Variants in DSG1 observed in about 807,000 individuals in gnomAD.
DSG1 encodes the protein desmoglein 1.
DSG1 carries 39 observed loss-of-function variants against 97.5 expected under a neutral mutation model. The ratio of observed to expected loss-of-function variants is 0.40; its 90% CI spans 0.31 to 0.52. The LOEUF (loss-of-function observed/expected upper bound fraction) is 0.52, where lower values mean the gene tolerates loss of function less well. DSG1 is among the 20% of genes least tolerant of loss of function. The pLI, the probability that DSG1 is intolerant of heterozygous loss-of-function variation, is 0.53. For synonymous variants in DSG1, 475 were observed against 443.4 expected (o/e 1.07, Z -0.90); for missense variants, 1,311 against 1,295.4 (o/e 1.01, Z -0.18).
rs16961682 is a variant in DSG1, at chr18:31,338,600, C to A, written c.1405+146C>A. On this transcript the variant is annotated intron_variant, in intron 10 of 14. Transcript: ENST00000257192. ...CATTATAGACTCATATCTTTAACAACTTGAGGCAGTATAATTTAGTAGCTA... is the reference window on the plus strand; with the variant it reads ...CATTATAGACTCATATCTTTAACAAATTGAGGCAGTATAATTTAGTAGCTA... 1,297 of 791,136 alleles carry A rather than the reference C, an allele frequency of 1.6e-3. 1 individual carries two copies. Among genetic ancestry groups the A allele is most frequent in the Middle Eastern group, 4.5e-3 (12 of 2,688 alleles). 49.0% of individuals were successfully genotyped at this position (791,136 alleles called of 1,614,324 possible). A position where few individuals can be genotyped will look rare whatever the true frequency, so the allele number is the denominator to read the frequency against.
intron 10 of DSG1, 105 bp from the exon 11 acceptor site, chr18:31,339,639 T>C: frequency 1.2e-6 from 1 of 863,500 alleles, no homozygotes. Context: ...ATTATGGGAA[T>C]AAAGACACTG....
intron 14 of DSG1, among the ~76,000 whole-genome samples, chr18:31,346,930 C>T (rs144114154): frequency 3.3e-5 from 5 of 152,150 alleles, no homozygotes; most frequent in Admixed American, 6.5e-5. Flanking sequence ...ATTGTAAGAA[C>T]GAGCTGTAGG....
rs538860727 is a variant in DSG1, at chr18:31,358,069, AATACT to A, written c.*2727_*2731del. On this transcript the variant is annotated 3_prime_UTR_variant, in exon 15 of 15. Transcript: ENST00000257192. Reference sequence around the variant, plus strand: ...AGATATGGAAATTATTTTATAAGTGAATACTATAATTAGGATTCAAGCTGAGTTTC... The same window carrying A: ...AGATATGGAAATTATTTTATAAGTGAATAATTAGGATTCAAGCTGAGTTTC... Among the ~76,000 whole-genome samples the A allele has an allele frequency of 8.5e-5, 13 of 152,112 alleles. No individual in the cohort carries two copies. In the South Asian group the frequency reaches 2.7e-3, roughly 31 times the overall value.
At chr18:31,326,198 CT>C (rs2144087012) in intron 1 of DSG1, among the ~76,000 whole-genome samples, 2 of 151,800 alleles carry the variant, frequency 1.3e-5, no homozygotes, top group East Asian at 1.9e-4. Flanking sequence ...ATAAAAAGAA[CT>C]TTTTTATATT....
chr18:31,353,845 C>A (rs1020018017), intron 14 of DSG1: 1 of 218,672 alleles, frequency 4.6e-6, no homozygotes, highest in East Asian at 1.2e-4. Flanking sequence ...ACAGTGGACG[C>A]ACCCACTGAC....
At chr18:31,324,227 C>A (rs1275284355) in intron 1 of DSG1, among the ~76,000 whole-genome samples, 5 of 151,686 alleles carry the variant, frequency 3.3e-5, no homozygotes, top group Non-Finnish European at 7.4e-5. Context: ...CGTGATCCAC[C>A]CGCCTCGGCC....
intron 4 of DSG1, among the ~76,000 whole-genome samples, chr18:31,328,895 G>C (rs10163619): frequency 0.37 from 56,595 of 151,916 alleles, 12,736 homozygotes; most frequent in Non-Finnish European, 0.5. Context: ...CCATTCTTAA[G>C]TGAATCTCAC....
At chr18:31,324,742 C>T (rs1406618309) in intron 1 of DSG1, among the ~76,000 whole-genome samples, 1 of 152,132 alleles carries the variant, frequency 6.6e-6, no homozygotes, top group African/African-American at 2.4e-5. Flanking sequence ...TCCAGCGTAC[C>T]TCCTTCTCAC....
chr18:31,357,664 C>T lies in DSG1; in HGVS notation c.*2318C>T, dbSNP rs2071970622. On this transcript the variant is annotated 3_prime_UTR_variant, in exon 15 of 15. Transcript: ENST00000257192. The stretch of plus-strand genomic sequence containing the variant: ...TCCCCCCAATTTAGTTACATCTGAA[C>T]TCCTAAACACTGTTAAACGATGGGA... 6.6e-6 allele frequency among the ~76,000 whole-genome samples: 1 copy of T among 151,902 alleles called. No individual in the cohort carries two copies.
chr18:31,355,039 A>G lies in DSG1; in HGVS notation c.2843A>G (p.Asn948Ser), dbSNP rs777314656. The stretch of plus-strand genomic sequence containing the variant: ...CACCCCGAGTTAGCCAATGCCCACA[A>G]TGTCATTGTGACAGAGAGGGTTGTT... ...SMHPELANAHNVIVTERVVSG... is the reference protein window; with the variant it reads ...SMHPELANAHSVIVTERVVSG... Residue 948 changes from asparagine to serine, a missense_variant, in exon 15 of 15, where the codon AAT (asparagine) becomes AGT (serine). Coordinates refer to ENST00000257192, the MANE Select transcript of DSG1 (RefSeq NM_001942.4). 11 of 1,614,168 alleles carry G rather than the reference A, an allele frequency of 6.8e-6. No homozygotes were observed. The highest frequency in any genetic ancestry group is 8.5e-6 in the Non-Finnish European group (10 of 1,180,028).
chr18:31,324,299 T>C (rs1409564620), intron 1 of DSG1, among the ~76,000 whole-genome samples: 1 of 151,878 alleles, frequency 6.6e-6, no homozygotes, highest in African/African-American at 2.4e-5. Flanking sequence ...TCCTTTTTTT[T>C]TTTTTTGTTT....
intron 6 of DSG1, among the ~76,000 whole-genome samples, chr18:31,332,259 T>A (rs541178943): frequency 6.6e-6 from 1 of 152,246 alleles, no homozygotes; most frequent in African/African-American, 2.4e-5. Flanking sequence ...TGCATGCGAG[T>A]ATGCTGGAGG....
At chr18:31,354,171 T>C in intron 14 of DSG1, 126 bp from the exon 15 acceptor site, 1 of 789,752 alleles carries the variant, frequency 1.3e-6, no homozygotes, top group Middle Eastern at 2.8e-4. Flanking sequence ...CTCTAGTATG[T>C]TAAAATCTTG....
chr18:31,321,230 C>T (rs1448718215), intron 1 of DSG1, among the ~76,000 whole-genome samples: 1 of 152,024 alleles, frequency 6.6e-6, no homozygotes. Flanking sequence ...CTAAAATACA[C>T]AGAAAATAAT....
Position 31,359,226 on chromosome 18 carries a change from G to A in DSG1, c.*3880G>A, listed in dbSNP as rs1480351449. On this transcript the variant is annotated 3_prime_UTR_variant, in exon 15 of 15. Coordinates refer to ENST00000257192, the MANE Select transcript of DSG1 (RefSeq NM_001942.4). ...TAATTTCCAAAGAGTTATGCATACA[G>A]CAATAAAATTATTAATATGCCTCCC... is the stretch of plus-strand genomic sequence containing the variant. Among the ~76,000 whole-genome samples, 1 of 152,034 alleles carries A rather than the reference G, an allele frequency of 6.6e-6. No individual in the cohort carries two copies. The highest frequency in any genetic ancestry group is 1.5e-5 in the Non-Finnish European group (1 of 67,990).
chr18:31,331,946 A>T, intron 6 of DSG1, 79 bp downstream of exon 6: 2 of 1,366,526 alleles, frequency 1.5e-6, no homozygotes, highest in Non-Finnish European at 2.1e-6. Flanking sequence ...AGACAAAGAG[A>T]TGAAGAAAAT....
intron 14 of DSG1, among the ~76,000 whole-genome samples, chr18:31,352,125 G>A (rs1297739472): frequency 6.6e-6 from 1 of 152,026 alleles, no homozygotes; most frequent in Non-Finnish European, 1.5e-5. Flanking sequence ...TCCTTTCCAT[G>A]TTTAGTGCTT....
chr18:31,338,311 A>T lies in DSG1; in HGVS notation c.1266-4A>T. 1.2e-6 allele frequency: 2 copies of T among 1,613,388 alleles called. No homozygotes were observed. The highest frequency in any genetic ancestry group is 1.7e-6 in the Non-Finnish European group (2 of 1,179,550). On this transcript the variant is annotated splice_region_variant and splice_polypyrimidine_tract_variant and intron_variant, in intron 9 of 14. Transcript: ENST00000257192. ...TAATTTGTATCATTTTCTTTCAAAT[A>T]CAGGTATGTAATGGGAAATAATCCA...
At chr18:31,328,404 A>G in intron 4 of DSG1, 60 bp downstream of exon 4, 3 of 1,518,946 alleles carry the variant, frequency 2.0e-6, no homozygotes, top group Non-Finnish European at 2.7e-6. Flanking sequence ...GAAGTTCTTA[A>G]TCTCAGATCA....
Sources: allele counts gnomAD v4.1 joint callset (sites outside exome capture counted in the v4.1 genomes callset), GRCh38; gene constraint gnomAD v4.1.1; transcripts MANE v1.5; gene names NCBI Gene and HGNC (gene_info 2026-07-23, HGNC 2026-07-21).